The following SGCZ variants were observed in gnomAD, a reference collection of about 807,000 sequenced individuals.
The protein encoded by SGCZ is zeta-sarcoglycan.
SGCZ carries 40 observed loss-of-function variants against 41.3 expected under a neutral mutation model. The observed-to-expected ratio is 0.97, with a 90% confidence interval of 0.75 to 1.26. The LOEUF (loss-of-function observed/expected upper bound fraction) is 1.26, where lower values mean the gene tolerates loss of function less well. Ranked by LOEUF, SGCZ falls within the 50% of genes most tolerant of loss-of-function variation. The pLI is 0.00. For synonymous variants in SGCZ, 206 were observed against 137.5 expected (o/e 1.50, Z -3.49); for missense variants, 552 against 369.8 (o/e 1.49, Z -4.04).
Position 14,554,404 on chromosome 8 carries a change from C to A in SGCZ, c.234+328G>T, listed in dbSNP as rs575356817. ...TAATGTGAAGTATCACTTCTAAAAG[C>A]AGGCTAATTTCTTAGATTTTAAGAC... On this transcript the variant is annotated intron_variant, in intron 2 of 7. Coordinates refer to ENST00000382080, the MANE Select transcript of SGCZ (RefSeq NM_139167.4). Among the ~76,000 whole-genome samples, 11 of 152,024 alleles carry A rather than the reference C, an allele frequency of 7.2e-5. No individual in the cohort carries two copies. In the East Asian group the frequency reaches 1.9e-3, roughly 27 times the overall value.
intron 2 of SGCZ, among the ~76,000 whole-genome samples, chr8:14,329,782 G>C (rs1185714762): frequency 1.3e-5 from 2 of 152,110 alleles, no homozygotes; most frequent in Admixed American, 1.3e-4. Flanking sequence ...TTTGCTAAGT[G>C]TCTCCTCCAA....
intron 2 of SGCZ, among the ~76,000 whole-genome samples, chr8:14,481,895 TG>T (rs1563357831): frequency 6.6e-6 from 1 of 152,164 alleles, no homozygotes; most frequent in Non-Finnish European, 1.5e-5. Context: ...TCCTAAGGAC[TG>T]GTTTTCCGCA....
At chr8:14,651,210 G>A (rs1807387822) in intron 1 of SGCZ, among the ~76,000 whole-genome samples, 1 of 152,016 alleles carries the variant, frequency 6.6e-6, no homozygotes, top group Non-Finnish European at 1.5e-5. Flanking sequence ...AATCAGATAT[G>A]AAAAAGTAGA....
intron 1 of SGCZ, among the ~76,000 whole-genome samples, chr8:14,889,206 G>A (rs1585352053): frequency 1.3e-5 from 2 of 151,904 alleles, no homozygotes; most frequent in African/African-American, 4.8e-5. Flanking sequence ...ATATCAATGT[G>A]TGGTGCTTGA....
intron 1 of SGCZ, among the ~76,000 whole-genome samples, chr8:14,887,888 G>C (rs1024639376): frequency 1.3e-5 from 2 of 152,112 alleles, no homozygotes; most frequent in Non-Finnish European, 1.5e-5. Flanking sequence ...TCCTAAGGCT[G>C]AGTTGTATCC....
chr8:14,463,415 A>T (rs575063644), intron 2 of SGCZ, among the ~76,000 whole-genome samples: 2 of 151,384 alleles, frequency 1.3e-5, no homozygotes, highest in African/African-American at 4.8e-5. Context: ...TAAAAAAAAA[A>T]AAAAAACCCT....
At chr8:14,328,539 C>T (rs1668515829) in intron 2 of SGCZ, among the ~76,000 whole-genome samples, 1 of 152,048 alleles carries the variant, frequency 6.6e-6, no homozygotes, top group Non-Finnish European at 1.5e-5. Flanking sequence ...TAAAATAGTG[C>T]CTAATTTATG....
At chr8:14,911,687 A>G (rs949731009) in intron 1 of SGCZ, among the ~76,000 whole-genome samples, 1 of 151,992 alleles carries the variant, frequency 6.6e-6, no homozygotes, top group African/African-American at 2.4e-5. Flanking sequence ...ATATCTTGAA[A>G]TGTACACACC....
At position 14,107,248 on chromosome 8, in the gene SGCZ, A is replaced by G. The variant is rs963929991; in HGVS notation, c.620+915T>C. ...AAAATAAAAAAATAAATAAAAAAAA[A>G]AAACATCCACTGAGCAGTTTTGTAT... On this transcript the variant is annotated intron_variant, in intron 6 of 7. Transcript: ENST00000382080. Among the ~76,000 whole-genome samples, 9 of 152,062 alleles carry G rather than the reference A, an allele frequency of 5.9e-5. No homozygotes were observed. The South Asian group carries it at 1.0e-3, about 18-fold the overall frequency.
intron 1 of SGCZ, among the ~76,000 whole-genome samples, chr8:14,801,430 A>G (rs991813561): frequency 1.3e-5 from 2 of 152,228 alleles, no homozygotes; most frequent in Non-Finnish European, 2.9e-5. Context: ...TAAATTTGGA[A>G]GATGGATGTA....
At chr8:14,785,946 A>G (rs1242587496) in intron 1 of SGCZ, among the ~76,000 whole-genome samples, 1 of 147,994 alleles carries the variant, frequency 6.8e-6, no homozygotes. Flanking sequence ...GTTCTCATTT[A>G]AAAAACTTAT....
intron 3 of SGCZ, among the ~76,000 whole-genome samples, chr8:14,240,677 A>T (rs1234639208): frequency 1.3e-5 from 2 of 152,198 alleles, no homozygotes; most frequent in Non-Finnish European, 2.9e-5. Context: ...TGATCAAGTG[A>T]TCTGAACCAA....
intron 3 of SGCZ, among the ~76,000 whole-genome samples, chr8:14,264,295 G>C (rs1464603047): frequency 6.6e-6 from 1 of 152,140 alleles, no homozygotes; most frequent in Non-Finnish European, 1.5e-5. Flanking sequence ...GAAGGAGGTT[G>C]AAAGAAAACA....
At chr8:14,915,573 A>T (rs1486976082) in intron 1 of SGCZ, among the ~76,000 whole-genome samples, 1 of 152,142 alleles carries the variant, frequency 6.6e-6, no homozygotes, top group East Asian at 1.9e-4. Context: ...TAGAGTAAAA[A>T]GCAGACAAGA....
intron 2 of SGCZ, among the ~76,000 whole-genome samples, chr8:14,360,262 A>G (rs555170193): frequency 6.6e-6 from 1 of 152,258 alleles, no homozygotes; most frequent in Non-Finnish European, 1.5e-5. Context: ...TTCTAGCAAG[A>G]GCAATCAGAA....
At chr8:14,538,642 G>A (rs1243042279) in intron 2 of SGCZ, among the ~76,000 whole-genome samples, 3 of 151,888 alleles carry the variant, frequency 2.0e-5, no homozygotes, top group South Asian at 2.1e-4. Context: ...AACACAATAA[G>A]GCCTTTCTTG....
intron 1 of SGCZ, among the ~76,000 whole-genome samples, chr8:14,727,052 A>T (rs4437651): frequency 0.046 from 6,963 of 152,274 alleles, 234 homozygotes; most frequent in Non-Finnish European, 0.07. Context: ...AATATTTTCA[A>T]TAAGCTTATC....
At chr8:14,231,881 C>G (rs1806583815) in intron 4 of SGCZ, among the ~76,000 whole-genome samples, 1 of 151,948 alleles carries the variant, frequency 6.6e-6, no homozygotes. Flanking sequence ...CCTTTATTAC[C>G]AGGAACATCA....
chr8:14,771,445 GA>G (rs1424844952), intron 1 of SGCZ, among the ~76,000 whole-genome samples: 1 of 152,046 alleles, frequency 6.6e-6, no homozygotes, highest in Admixed American at 6.6e-5. Flanking sequence ...TTCAATTACA[GA>G]AAGAAAATAT....
Sources: allele counts gnomAD v4.1 joint callset (sites outside exome capture counted in the v4.1 genomes callset), GRCh38; gene constraint gnomAD v4.1.1; transcripts MANE v1.5; gene names NCBI Gene and HGNC (gene_info 2026-07-23, HGNC 2026-07-21).